The following BMPR2 variants were observed in gnomAD, a reference collection of about 807,000 sequenced individuals.
BMPR2 encodes the protein bone morphogenetic protein receptor type-2.
A neutral mutation model predicts 100.8 loss-of-function variants in BMPR2; 29 were observed. The ratio of observed to expected loss-of-function variants is 0.29; its 90% CI spans 0.21 to 0.39. The LOEUF (loss-of-function observed/expected upper bound fraction) is 0.39, where lower values mean the gene tolerates loss of function less well. Among genes scored for constraint, BMPR2 ranks in the 10% least tolerant of loss-of-function variants. The pLI, the probability that BMPR2 is intolerant of heterozygous loss-of-function variation, is 1.00. For synonymous variants in BMPR2, 382 were observed against 442.3 expected, an observed-to-expected ratio of 0.86 and a Z score of 1.71; for missense variants, 1,011 against 1,274.5, an observed-to-expected ratio of 0.79 and a Z score of 3.15.
chr2:202,549,229 ATAT>A (rs560661856), intron 10 of BMPR2, among the ~76,000 whole-genome samples: 257 of 152,078 alleles, frequency 1.7e-3, no homozygotes, highest in African/African-American at 5.2e-3. Flanking sequence ...ATTAGTTATA[ATAT>A]TATTATTAGT....
At chr2:202,528,722 T>C (rs1687963995) in intron 7 of BMPR2, among the ~76,000 whole-genome samples, 1 of 152,264 alleles carries the variant, frequency 6.6e-6, no homozygotes. Context: ...TGAACACTGT[T>C]CTGAAAGTGA....
intron 1 of BMPR2, among the ~76,000 whole-genome samples, chr2:202,416,320 A>G (rs143830098): frequency 5.4e-4 from 82 of 151,588 alleles, no homozygotes; most frequent in African/African-American, 1.8e-3. Flanking sequence ...GCTGGAGTGC[A>G]ATGGCGTGGT....
intron 1 of BMPR2, among the ~76,000 whole-genome samples, chr2:202,386,907 T>C (rs901722306): frequency 6.6e-6 from 1 of 152,100 alleles, no homozygotes; most frequent in Non-Finnish European, 1.5e-5. Context: ...ATGGTCTCAA[T>C]CTCCTGACCT....
At chr2:202,457,434 G>A (rs927183187) in intron 1 of BMPR2, among the ~76,000 whole-genome samples, 14 of 150,210 alleles carry the variant, frequency 9.3e-5, no homozygotes, top group African/African-American at 3.2e-4. Context: ...CATCAATATA[G>A]ATTTATAATG....
At chr2:202,461,755 TTAGC>T (rs1692228651) in intron 1 of BMPR2, among the ~76,000 whole-genome samples, 2 of 152,294 alleles carry the variant, frequency 1.3e-5, no homozygotes, top group African/African-American at 4.8e-5. Flanking sequence ...ATTCAGTTGT[TTAGC>T]TAATGATAAG....
At chr2:202,552,950 A>G (rs1301150352) in intron 11 of BMPR2, 62 bp downstream of exon 11, 1 of 1,588,040 alleles carries the variant, frequency 6.3e-7, no homozygotes, top group Non-Finnish European at 8.6e-7. Flanking sequence ...CCAACAAAGA[A>G]TAGAAAATAA....
At chr2:202,545,154 A>AT (rs1483021795) in intron 10 of BMPR2, among the ~76,000 whole-genome samples, 3 of 33,834 alleles carry the variant, frequency 8.9e-5, no homozygotes, top group Non-Finnish European at 2.0e-4. Flanking sequence ...TCTAAGAATC[A>AT]TTTTTTTCTT....
chr2:202,453,445 G>A (rs1309190833), intron 1 of BMPR2, among the ~76,000 whole-genome samples: 3 of 152,088 alleles, frequency 2.0e-5, no homozygotes, highest in Non-Finnish European at 4.4e-5. Context: ...TAAAGAAAAT[G>A]TGGTACATAT....
At chr2:202,502,437 AAGAG>A (rs1314356023) in intron 3 of BMPR2, among the ~76,000 whole-genome samples, 1 of 152,216 alleles carries the variant, frequency 6.6e-6, no homozygotes, top group Non-Finnish European at 1.5e-5. Flanking sequence ...GAGAGTTAAA[AAGAG>A]AGGAAGAGAC....
chr2:202,541,141 G>A (rs538588574), intron 9 of BMPR2, among the ~76,000 whole-genome samples: 3 of 152,266 alleles, frequency 2.0e-5, no homozygotes, highest in East Asian at 3.9e-4. Context: ...CTACCTGTTA[G>A]TTAAAAGGAA....
chr2:202,467,088 C>G (rs1361762108), intron 2 of BMPR2: 4 of 251,902 alleles, frequency 1.6e-5, no homozygotes, highest in African/African-American at 6.9e-5. Flanking sequence ...TGGAGAAACC[C>G]CATCTCTACT....
intron 3 of BMPR2, among the ~76,000 whole-genome samples, chr2:202,507,872 G>C (rs1298433943): frequency 6.6e-6 from 1 of 151,092 alleles, no homozygotes; most frequent in African/African-American, 2.4e-5. Flanking sequence ...GCTAATTTTT[G>C]TATTTTTAGT....
At chr2:202,535,203 CCGGA>C (rs1688121735) in intron 9 of BMPR2, among the ~76,000 whole-genome samples, 2 of 151,924 alleles carry the variant, frequency 1.3e-5, no homozygotes, top group East Asian at 3.9e-4. Context: ...CACCTCCCTC[CCGGA>C]CGGGGTGGCT....
At chr2:202,420,943 G>C (rs1691249994) in intron 1 of BMPR2, among the ~76,000 whole-genome samples, 1 of 151,706 alleles carries the variant, frequency 6.6e-6, no homozygotes, top group African/African-American at 2.4e-5. Flanking sequence ...ATGTTACCAG[G>C]CTTCATTTAA....
rs182830623 is a variant in BMPR2, at chr2:202,503,714, G to T, written c.419-10005G>T. Among the ~76,000 whole-genome samples, 2 of 152,118 alleles carry T rather than the reference G, an allele frequency of 1.3e-5. No individual in the cohort carries two copies. The highest frequency in any genetic ancestry group is 4.8e-5 in the African/African-American group (2 of 41,420). On this transcript the variant is annotated intron_variant, in intron 3 of 12. Transcript: ENST00000374580. The surrounding 1 kb of genome is among the most constrained non-coding windows in gnomAD (Gnocchi z 4.0). ...TGATGAGTGCCGCCCCCTGCTCCAC[G>T]GCGCCCAGTCCCATCAACCACCCAA...
chr2:202,387,096 T>G (rs778054576), intron 1 of BMPR2, among the ~76,000 whole-genome samples: 1 of 152,240 alleles, frequency 6.6e-6, no homozygotes, highest in East Asian at 1.9e-4. Context: ...ACAATCTGGC[T>G]TCTGCAATTT....
intron 1 of BMPR2, among the ~76,000 whole-genome samples, chr2:202,434,913 A>G (rs1483809900): frequency 4.9e-5 from 2 of 41,126 alleles, no homozygotes; most frequent in African/African-American, 1.9e-4. Flanking sequence ...AAAAAAATAT[A>G]TATATATATA....
At chr2:202,542,946 G>A (rs1270325831) in intron 10 of BMPR2, among the ~76,000 whole-genome samples, 2 of 151,874 alleles carry the variant, frequency 1.3e-5, no homozygotes, top group Non-Finnish European at 2.9e-5. Context: ...GGAGGCCGAG[G>A]CGGGCAGATT....
At chr2:202,511,219 TC>T (rs1687617827) in intron 3 of BMPR2, among the ~76,000 whole-genome samples, 1 of 152,152 alleles carries the variant, frequency 6.6e-6, no homozygotes, top group Admixed American at 6.6e-5. Flanking sequence ...TTTGGCCTAT[TC>T]TGAGTATTTC....
Sources: allele counts gnomAD v4.1 joint callset (sites outside exome capture counted in the v4.1 genomes callset), GRCh38; gene constraint gnomAD v4.1.1; non-coding constraint Gnocchi (gnomAD v3.1); transcripts MANE v1.5; gene names NCBI Gene and HGNC (gene_info 2026-07-23, HGNC 2026-07-21).